Variants in SERPINA12 observed in about 807,000 individuals in gnomAD.
SERPINA12 encodes serpin family A member 12.
A neutral mutation model predicts 25.9 loss-of-function variants in SERPINA12; 21 were observed. The ratio of observed to expected loss-of-function variants is 0.81; its 90% CI spans 0.58 to 1.17. The LOEUF (loss-of-function observed/expected upper bound fraction) is 1.17, where lower values mean the gene tolerates loss of function less well. Among genes scored for constraint, SERPINA12 ranks in the 50% most tolerant of loss-of-function variants. The pLI is 0.00. For synonymous variants in SERPINA12, 220 were observed against 196.0 expected (o/e 1.12, Z -1.02); for missense variants, 562 against 508.3 (o/e 1.11, Z -1.02).
chr14:94,487,423 A>T lies in SERPINA12; in HGVS notation c.1125T>A (p.Thr375=). ...TEGAAGTGAQ[T]LPMETPLVVK... is the part of the protein sequence containing the mutation. The stretch of plus-strand genomic sequence containing the variant: ...CGACGAGTGGTGTCTCCATGGGCAG[A>T]GTCTGTGCTCCGGTGCCAGCGGCCC... Residue 375 remains threonine (T), a synonymous_variant, in exon 5 of 5, where the codon ACT becomes ACA. Transcript: ENST00000677451. The T allele has an allele frequency of 6.2e-7, 1 of 1,614,114 alleles. No homozygotes were observed. The highest frequency in any genetic ancestry group is 1.1e-5 in the South Asian group (1 of 91,062).
At chr14:94,510,107 G>T, upstream of SERPINA12, 1 of 985,360 alleles carries the variant, frequency 1.0e-6, no homozygotes, top group Non-Finnish European at 1.2e-6. Flanking sequence ...GACTCATAAT[G>T]CACCTGGTGG....
chr14:94,509,938 T>A (rs748638311), upstream of SERPINA12: 121 of 980,166 alleles, frequency 1.2e-4, no homozygotes, highest in Non-Finnish European at 1.4e-4. Context: ...CTGGCACTGC[T>A]ATAGAATACC....
chr14:94,517,658 C>T (rs1901269476), exon 1 of SERPINA12: 1 of 152,198 alleles, frequency 6.6e-6, no homozygotes, highest in Admixed American at 6.5e-5. Context: ...AGTGATTTCC[C>T]AACTTAAGAA....
rs377464290 is a variant in SERPINA12, at chr14:94,489,780, C to T, written c.906-13G>A. On this transcript the variant is annotated splice_polypyrimidine_tract_variant and intron_variant, in intron 3 of 4. Transcript: ENST00000677451. ...CACGTCTACGACCCTGGGGAATTGA[C>T]ACGACAAGGGTGAGTGGTCAAGTCC... is the stretch of plus-strand genomic sequence containing the variant. 12 of 1,613,068 alleles carry T rather than the reference C, an allele frequency of 7.4e-6. No homozygotes were observed. In the African/African-American group the frequency reaches 1.3e-4, roughly 18 times the overall value.
chr14:94,501,766 C>T (rs1039843699), intron 1 of SERPINA12, among the ~76,000 whole-genome samples: 7 of 151,534 alleles, frequency 4.6e-5, no homozygotes, highest in African/African-American at 1.2e-4. Context: ...CAGTCTCCAC[C>T]GGGCCTCCTG....
rs1400988360 is a variant in SERPINA12, at chr14:94,487,355, T to A, written c.1193A>T (p.Lys398Ile). The change falls in exon 5 of 5, where the codon AAA becomes ATA. Residue 398 changes from lysine to isoleucine, a missense_variant. By Grantham distance (102) the Lys-to-Ile change is moderately radical. Transcript: ENST00000677451. Reference sequence around the variant, plus strand: ...TCCCAGGAAGAGCACGGAAGGTATTTTCTCGCTGTAAATCAGCAGCAGATA... The same window carrying A: ...TCCCAGGAAGAGCACGGAAGGTATTATCTCGCTGTAAATCAGCAGCAGATA... ...KPYLLLIYSEKIPSVLFLGKI... is the reference protein window; with the variant it reads ...KPYLLLIYSEIIPSVLFLGKI... The A allele has an allele frequency of 1.2e-6, 2 of 1,614,058 alleles. No homozygotes were observed. The highest frequency in any genetic ancestry group is 2.7e-5 in the African/African-American group (2 of 74,934).
chr14:94,494,887 T>C (rs1011632217), intron 3 of SERPINA12, among the ~76,000 whole-genome samples: 1 of 152,050 alleles, frequency 6.6e-6, no homozygotes, highest in African/African-American at 2.4e-5. Context: ...ACCCCTCCTT[T>C]TGTTTCAGTG....
At chr14:94,500,527 G>T (rs931306638) in intron 1 of SERPINA12, among the ~76,000 whole-genome samples, 5 of 152,110 alleles carry the variant, frequency 3.3e-5, no homozygotes, top group African/African-American at 1.2e-4. Context: ...GGGAATTTCT[G>T]CCCTGATCCT....
chr14:94,498,992 A>T lies in SERPINA12; in HGVS notation c.-33-562T>A, dbSNP rs115384502. On this transcript the variant is annotated intron_variant, in intron 1 of 4. Transcript: ENST00000677451. ...TGGAAAGACAGAAATGGACTGACAC[A>T]TCTGATGACATCTTTGGAGACCCTG... Among the ~76,000 whole-genome samples, 414 of 152,340 alleles carry T rather than the reference A, an allele frequency of 2.7e-3. 1 individual carries two copies. The highest frequency in any genetic ancestry group is 9.5e-3 in the African/African-American group (395 of 41,578).
intron 1 of SERPINA12, among the ~76,000 whole-genome samples, chr14:94,507,121 A>G (rs1271396432): frequency 6.6e-6 from 1 of 152,222 alleles, no homozygotes; most frequent in Non-Finnish European, 1.5e-5. Flanking sequence ...ATACAGGAAA[A>G]ATATAAATAG....
chr14:94,491,951 G>C (rs1900194384), intron 3 of SERPINA12, among the ~76,000 whole-genome samples: 1 of 152,136 alleles, frequency 6.6e-6, no homozygotes, highest in Non-Finnish European at 1.5e-5. Context: ...GCTCACTCAG[G>C]GGTAAGTATA....
rs200929043 is a variant in SERPINA12, at chr14:94,487,327, C to G, written c.1221G>C (p.Lys407Asn). The G allele has an allele frequency of 2.0e-5, 33 of 1,613,808 alleles. No homozygotes were observed. The highest frequency in any genetic ancestry group is 2.7e-5 in the Non-Finnish European group (32 of 1,179,932). The change falls in exon 5 of 5, where the codon AAG (lysine) becomes AAC (asparagine). Residue 407 changes from lysine to asparagine, a missense_variant. Coordinates refer to ENST00000677451, the MANE Select transcript of SERPINA12 (RefSeq NM_001382267.1). ...EKIPSVLFLG[K>N]IVNPIGK ...TTTATTTTCCAATAGGGTTAACAAT[C>G]TTTCCCAGGAAGAGCACGGAAGGTA...
chr14:94,495,076 T>TTTA (rs1900346083), intron 3 of SERPINA12, among the ~76,000 whole-genome samples: 2 of 142,478 alleles, frequency 1.4e-5, no homozygotes, highest in African/African-American at 5.3e-5. Flanking sequence ...TTTTTTTTTT[T>TTTA]TTTTTTTTTT....
chr14:94,488,953 C>T (rs531089691), intron 4 of SERPINA12, among the ~76,000 whole-genome samples: 42 of 152,018 alleles, frequency 2.8e-4, no homozygotes, highest in Non-Finnish European at 5.0e-4. Context: ...AAAAATTAGC[C>T]GGGCATGGTG....
At chr14:94,511,151 G>T (rs113870065), upstream of SERPINA12, among the ~76,000 whole-genome samples, 5 of 152,050 alleles carry the variant, frequency 3.3e-5, no homozygotes, top group African/African-American at 4.8e-5. Context: ...CTGCAAAAAA[G>T]CCCATAATTT....
At chr14:94,501,418 C>G (rs1156819355) in intron 1 of SERPINA12, among the ~76,000 whole-genome samples, 1 of 152,214 alleles carries the variant, frequency 6.6e-6, no homozygotes, top group East Asian at 1.9e-4. Context: ...GCACGCACAG[C>G]TTTACAGTGA....
upstream of SERPINA12, chr14:94,511,701 A>T (rs867439888): frequency 5.1e-6 from 5 of 985,400 alleles, no homozygotes; most frequent in Non-Finnish European, 4.8e-6. Context: ...CCTTCCAAAG[A>T]GGCAGAACTT....
chr14:94,508,727 A>G (rs1304517562), intron 1 of SERPINA12, among the ~76,000 whole-genome samples: 1 of 152,224 alleles, frequency 6.6e-6, no homozygotes, highest in East Asian at 1.9e-4. Flanking sequence ...ATAGAGAGCT[A>G]ATGTTCTTAA....
chr14:94,493,599 A>T (rs1900271578), intron 3 of SERPINA12, among the ~76,000 whole-genome samples: 1 of 151,986 alleles, frequency 6.6e-6, no homozygotes, highest in Non-Finnish European at 1.5e-5. Context: ...CCTGCACTTT[A>T]CACCTGGACT....
Sources: gnomAD v4.1 joint callset for allele counts (sites outside exome capture counted in the v4.1 genomes callset) on GRCh38, gnomAD v4.1.1 for gene constraint, MANE v1.5 for transcripts, NCBI Gene and HGNC (gene_info 2026-07-23, HGNC 2026-07-21) for gene names.